PHACTR1: variants seen among roughly 807,000 people sequenced by gnomAD.
PHACTR1 encodes the protein RPEL repeat containing 1.
PHACTR1 carries 16 observed loss-of-function variants against 69.2 expected under a neutral mutation model. That is an observed-to-expected ratio of 0.23 (90% CI 0.16 to 0.35). PHACTR1 has a LOEUF of 0.35. Ranked by LOEUF, PHACTR1 falls within the 10% of genes least tolerant of loss-of-function variation. PHACTR1 has a pLI of 1.00. For missense variants in PHACTR1, 510 were observed against 734.7 expected (o/e 0.69, Z 3.54); for synonymous variants, 312 against 284.5 (o/e 1.10, Z -0.97).
intron 4 of PHACTR1, among the ~76,000 whole-genome samples, chr6:12,779,731 G>T (rs550903493): frequency 6.6e-6 from 1 of 152,222 alleles, no homozygotes; most frequent in South Asian, 2.1e-4. Context: ...ATGCCATAGG[G>T]TCCAGAAAGA....
intron 4 of PHACTR1, among the ~76,000 whole-genome samples, chr6:12,867,971 G>A (rs928314687): frequency 7.9e-5 from 12 of 152,078 alleles, no homozygotes; most frequent in African/African-American, 2.4e-4. Context: ...AGAAGTTCAG[G>A]TGCTAAGGCC....
At chr6:13,139,420 C>A (rs948339519) in intron 5 of PHACTR1, among the ~76,000 whole-genome samples, 4 of 152,092 alleles carry the variant, frequency 2.6e-5, no homozygotes, top group African/African-American at 9.7e-5. Context: ...TTTGCCAACA[C>A]CTGCTCTATT....
rs111682680 is a variant in PHACTR1 at position 13,005,952 on chromosome 6, C to A, written c.251-47413C>A. On this transcript the variant is annotated intron_variant, in intron 4 of 14. Coordinates refer to ENST00000332995, the MANE Select transcript of PHACTR1 (RefSeq NM_030948.6). ...CTATTTCTCACCAATGTTACATTATCCTATTACCTTGTTCCAGCACCTGCT... is the reference window on the plus strand; with the variant it reads ...CTATTTCTCACCAATGTTACATTATACTATTACCTTGTTCCAGCACCTGCT... Among the ~76,000 whole-genome samples the A allele has an allele frequency of 1.1e-3, 165 of 151,834 alleles. 2 individuals carry two copies. The highest frequency in any genetic ancestry group is 3.6e-3 in the African/African-American group (151 of 41,448).
At chr6:13,250,728 G>T (rs1210342881) in intron 10 of PHACTR1, among the ~76,000 whole-genome samples, 3 of 152,218 alleles carry the variant, frequency 2.0e-5, no homozygotes, top group South Asian at 4.1e-4. Context: ...TGCAGGAAAA[G>T]GTGGGGGCTG....
intron 3 of PHACTR1, among the ~76,000 whole-genome samples, chr6:12,742,748 T>C (rs1427345665): frequency 2.0e-5 from 3 of 152,072 alleles, no homozygotes; most frequent in East Asian, 3.9e-4. Context: ...ATAGGGGTGA[T>C]GATATTCCTA....
intron 4 of PHACTR1, among the ~76,000 whole-genome samples, chr6:12,923,426 T>C (rs988906521): frequency 2.6e-5 from 4 of 152,214 alleles, no homozygotes; most frequent in African/African-American, 9.6e-5. Context: ...TCACTAAAAA[T>C]AATTTTGCAA....
intron 4 of PHACTR1, among the ~76,000 whole-genome samples, chr6:13,007,098 A>T (rs550932406): frequency 6.6e-6 from 1 of 152,330 alleles, no homozygotes; most frequent in South Asian, 2.1e-4. Context: ...AGGTCCTCTT[A>T]TTTAGGTCTG....
intron 4 of PHACTR1, among the ~76,000 whole-genome samples, chr6:12,852,519 G>A (rs996513056): frequency 1.3e-5 from 2 of 152,090 alleles, no homozygotes; most frequent in Non-Finnish European, 2.9e-5. Flanking sequence ...CTGGGACTCC[G>A]TTTCTTTCAC....
chr6:12,801,483 G>C (rs561996156), intron 4 of PHACTR1, among the ~76,000 whole-genome samples: 1 of 152,090 alleles, frequency 6.6e-6, no homozygotes, highest in East Asian at 1.9e-4. Context: ...TGATTATAAG[G>C]GTTCACACAT....
At chr6:13,022,832 C>A (rs1438877122) in intron 4 of PHACTR1, among the ~76,000 whole-genome samples, 2 of 151,958 alleles carry the variant, frequency 1.3e-5, no homozygotes. Flanking sequence ...GCCTGGGCAA[C>A]ATGGCGAAAC....
intron 4 of PHACTR1, among the ~76,000 whole-genome samples, chr6:12,784,686 G>C (rs141924872): frequency 6.6e-6 from 1 of 151,088 alleles, no homozygotes; most frequent in Non-Finnish European, 1.5e-5. Flanking sequence ...ACATCCACAC[G>C]TGTATATATA....
At chr6:13,152,333 CAAAA>C (rs111505934) in intron 5 of PHACTR1, among the ~76,000 whole-genome samples, 1 of 137,828 alleles carries the variant, frequency 7.3e-6, no homozygotes, top group South Asian at 2.3e-4. Context: ...GACTCCGTCT[CAAAA>C]AAAAAAAAAT....
chr6:13,108,613 A>G (rs1465926217), intron 5 of PHACTR1, among the ~76,000 whole-genome samples: 3 of 152,044 alleles, frequency 2.0e-5, no homozygotes, highest in Admixed American at 2.0e-4. Context: ...TATTATTTAT[A>G]TCTGGCACTA....
At chr6:13,213,534 C>G (rs1042961034) in intron 8 of PHACTR1, among the ~76,000 whole-genome samples, 4 of 152,220 alleles carry the variant, frequency 2.6e-5, no homozygotes, top group African/African-American at 9.6e-5. Flanking sequence ...CTTGTCTCCC[C>G]ATTTGCTATG....
intron 4 of PHACTR1, among the ~76,000 whole-genome samples, chr6:12,907,806 C>A (rs1785906789): frequency 6.6e-6 from 1 of 152,142 alleles, no homozygotes; most frequent in African/African-American, 2.4e-5. Flanking sequence ...ATGGCTTGGT[C>A]ACTATTAAAG....
intron 4 of PHACTR1, among the ~76,000 whole-genome samples, chr6:12,794,008 A>G (rs1044981539): frequency 4.6e-5 from 7 of 152,240 alleles, no homozygotes; most frequent in Admixed American, 4.6e-4. Context: ...CAATGGGTGC[A>G]GAGTTTAAAG....
chr6:13,170,723 C>T (rs761324982), intron 6 of PHACTR1, among the ~76,000 whole-genome samples: 13 of 152,170 alleles, frequency 8.5e-5, no homozygotes, highest in Non-Finnish European at 1.8e-4. Flanking sequence ...CTGGCTCCAT[C>T]GTGTTCTGTC....
chr6:12,904,861 A>G (rs996942732), intron 4 of PHACTR1, among the ~76,000 whole-genome samples: 4 of 152,114 alleles, frequency 2.6e-5, no homozygotes, highest in Non-Finnish European at 2.9e-5. Context: ...TTCTTTTTGT[A>G]TATAAAGGGA....
chr6:12,894,855 C>T (rs1784498381), intron 4 of PHACTR1, among the ~76,000 whole-genome samples: 1 of 152,174 alleles, frequency 6.6e-6, no homozygotes. Context: ...AATTTCATCA[C>T]ACAGATCTTG....
Sources: gnomAD v4.1 joint callset for allele counts (sites outside exome capture counted in the v4.1 genomes callset) on GRCh38, gnomAD v4.1.1 for gene constraint, MANE v1.5 for transcripts, NCBI Gene and HGNC (gene_info 2026-07-23, HGNC 2026-07-21) for gene names.